MAST4: variants seen among roughly 807,000 people sequenced by gnomAD.
The protein encoded by MAST4 is microtubule associated serine/threonine kinase family member 4, also known as microtubule-associated serine/threonine-protein kinase 4.
A neutral mutation model predicts 162.7 loss-of-function variants in MAST4; 89 were observed. That is an observed-to-expected ratio of 0.55 (90% CI 0.46 to 0.65). The LOEUF is 0.65. MAST4 is among the 30% of genes least tolerant of loss of function. The probability of loss-of-function intolerance (pLI) is 0.00; values close to 1 mark genes in which losing one functional copy is unlikely to be tolerated. For missense variants in MAST4, 3,153 were observed against 3,374.0 expected (o/e 0.93, Z 1.62); for synonymous variants, 1,479 against 1,361.1 (o/e 1.09, Z -1.91).
chr5:66,725,197 C>T (rs1294946981), intron 1 of MAST4, among the ~76,000 whole-genome samples: 1 of 151,946 alleles, frequency 6.6e-6, no homozygotes, highest in East Asian at 1.9e-4. Flanking sequence ...AATTTTTCCT[C>T]AGAAAGTTTA....
intron 1 of MAST4, among the ~76,000 whole-genome samples, chr5:66,660,148 G>A (rs1746809255): frequency 6.6e-6 from 1 of 152,206 alleles, no homozygotes. Context: ...CAGCACTTTG[G>A]GTGGCTGAGG....
intron 3 of MAST4, among the ~76,000 whole-genome samples, chr5:66,810,539 G>A (rs1756425960): frequency 6.6e-6 from 1 of 152,164 alleles, no homozygotes; most frequent in Admixed American, 6.5e-5. Context: ...CCTACTGCAA[G>A]GAAGGCTGGG....
At position 67,130,437 on chromosome 5, in the gene MAST4, A is replaced by G. The variant is rs1284344938; in HGVS notation, c.1954+19A>G. On this transcript the variant is annotated intron_variant, in intron 15 of 28. Transcript: ENST00000403625. ...GTGGAAGGTATCTGACACGGAAAAC[A>G]TGACACCTGTACCCAGGAATCCCTT... is the stretch of plus-strand genomic sequence containing the variant. 10 of 1,611,682 alleles carry G rather than the reference A, an allele frequency of 6.2e-6. No homozygotes were observed. Among genetic ancestry groups the G allele is most frequent in the Middle Eastern group, 1.6e-4 (1 of 6,064 alleles).
At chr5:67,152,026 T>C (rs1470077122) in intron 24 of MAST4, among the ~76,000 whole-genome samples, 1 of 152,150 alleles carries the variant, frequency 6.6e-6, no homozygotes, top group Non-Finnish European at 1.5e-5. Context: ...CCTTGGCCTC[T>C]CAAAAGTGCT....
intron 5 of MAST4, among the ~76,000 whole-genome samples, chr5:67,079,708 C>A (rs1298372573): frequency 2.6e-5 from 4 of 152,034 alleles, no homozygotes; most frequent in Admixed American, 2.0e-4. Context: ...GGACTCTGTC[C>A]CTTCATTTTC....
intron 1 of MAST4, among the ~76,000 whole-genome samples, chr5:66,631,859 CAA>C: frequency 6.6e-6 from 1 of 152,020 alleles, no homozygotes; most frequent in East Asian, 1.9e-4. Flanking sequence ...GAAATTGAAC[CAA>C]AGAGAATTTA....
rs1404839307 is a variant in MAST4 at position 66,596,975 on chromosome 5, C to A, written c.320C>A (p.Ala107Glu). Residue 107 changes from alanine to glutamate, a missense_variant, in exon 1 of 29, where the codon GCG (alanine) becomes GAG (glutamate). This residue lies in a region of MAST4 where 327 missense variants were observed against 336.5 expected (regional missense o/e 0.97). Coordinates refer to ENST00000403625, the MANE Select transcript of MAST4 (RefSeq NM_001164664.2). ...CTTCCCGGAGGAGCTGTGCCGCCCG[C>A]GCCCCGGGGCAGCAGCGCGTCCCAG... ...PPLPGGAVPPAPRGSSASQEE... is the reference protein window; with the variant it reads ...PPLPGGAVPPEPRGSSASQEE... The A allele has an allele frequency of 6.9e-7, 1 of 1,448,790 alleles. No individual in the cohort carries two copies. The highest frequency in any genetic ancestry group is 9.0e-7 in the Non-Finnish European group (1 of 1,105,354). 89.7% of individuals were successfully genotyped at this position (1,448,790 alleles called of 1,614,324 possible). A position where few individuals can be genotyped will look rare whatever the true frequency, so the allele number is the denominator to read the frequency against.
chr5:67,166,423 C>T lies in MAST4; in HGVS notation c.7244C>T (p.Pro2415Leu). ...GCCGCGGGGGTGGGGAAGGGCTTCC[C>T]TGAGGCCAGAGGGAAAGGGCCCGGT... Reference protein sequence around the residue: ...RPAAGVGKGFPEARGKGPGPQ... With the variant: ...RPAAGVGKGFLEARGKGPGPQ... The change falls in exon 29 of 29, where the codon CCT (proline) becomes CTT (leucine). Residue 2415 changes from proline to leucine, a missense_variant. Pro to Leu is a moderately conservative substitution (Grantham distance 98). Around this residue, in one of 7 missense-constraint regions of MAST4, gnomAD observed 1,644 missense variants for 1,495.0 expected, o/e 1.10. Coordinates refer to ENST00000403625, the MANE Select transcript of MAST4 (RefSeq NM_001164664.2). 4 of 1,607,144 alleles carry T rather than the reference C, an allele frequency of 2.5e-6. No homozygotes were observed. Among genetic ancestry groups the T allele is most frequent in the South Asian group, 1.1e-5 (1 of 89,884 alleles).
At chr5:66,611,015 A>G (rs1382060324) in intron 1 of MAST4, among the ~76,000 whole-genome samples, 2 of 152,264 alleles carry the variant, frequency 1.3e-5, no homozygotes, top group South Asian at 4.1e-4. Flanking sequence ...GTCACTTCAG[A>G]AAATCCATCA....
intron 1 of MAST4, among the ~76,000 whole-genome samples, chr5:66,699,619 A>G (rs1749633094): frequency 6.6e-6 from 1 of 152,208 alleles, no homozygotes; most frequent in Admixed American, 6.5e-5. Context: ...AGAGTCATGG[A>G]TGAAGCTGGA....
intron 1 of MAST4, among the ~76,000 whole-genome samples, chr5:66,612,904 G>A (rs16895307): frequency 0.31 from 46,991 of 151,908 alleles, 7,822 homozygotes; most frequent in African/African-American, 0.43. Context: ...GACATGTTGC[G>A]TCTTACATAT....
chr5:67,013,557 T>C lies in MAST4; in HGVS notation c.675-40847T>C, dbSNP rs139486519. On this transcript the variant is annotated intron_variant, in intron 4 of 28. Coordinates refer to ENST00000403625, the MANE Select transcript of MAST4 (RefSeq NM_001164664.2). Reference sequence around the variant, plus strand: ...ACAGTGTATGTTTATGTCTCACGCTTTACTGGGTTTCTTCCTTAAGAGTCG... The same window carrying C: ...ACAGTGTATGTTTATGTCTCACGCTCTACTGGGTTTCTTCCTTAAGAGTCG... Among the ~76,000 whole-genome samples, 210 of 152,330 alleles carry C rather than the reference T, an allele frequency of 1.4e-3. 5 individuals are homozygous for C. The highest frequency in any genetic ancestry group is 4.9e-3 in the African/African-American group (204 of 41,574).
rs777825639 is a variant in MAST4 at position 66,847,820 on chromosome 5, C to CAAAAAAAAAA, written c.643-52117_643-52108dup. ...TGGGTGCTGGAACAAGACTCCTTCTCAAAAAAAAAAAAAAAAAAAAAAAGA... is the reference window on the plus strand; with the variant it reads ...TGGGTGCTGGAACAAGACTCCTTCTCAAAAAAAAAAAAAAAAAAAAAAAAAAAAAAAAAGA... On this transcript the variant is annotated intron_variant, in intron 3 of 28. Transcript: ENST00000403625. 2.8e-3 allele frequency among the ~76,000 whole-genome samples: 154 copies of CAAAAAAAAAA among 54,120 alleles called. 12 individuals are homozygous for CAAAAAAAAAA. Among genetic ancestry groups the CAAAAAAAAAA allele is most frequent in the African/African-American group, 0.011 (131 of 11,472 alleles). The allele number at this position is 54,120 out of a possible 152,430, so 35.5% of individuals were successfully genotyped here.
chr5:66,806,743 A>ATTTTCT (rs1425269268), intron 3 of MAST4, among the ~76,000 whole-genome samples: 2 of 152,104 alleles, frequency 1.3e-5, no homozygotes, highest in African/African-American at 4.8e-5. Flanking sequence ...TTAAGCATAC[A>ATTTTCT]TTTTCTTTTT....
intron 3 of MAST4, among the ~76,000 whole-genome samples, chr5:66,848,198 G>A (rs1356839566): frequency 6.6e-6 from 1 of 152,188 alleles, no homozygotes; most frequent in Non-Finnish European, 1.5e-5. Context: ...TAAATTTAGT[G>A]TATCCCCTTT....
At chr5:66,608,600 G>A (rs562467670) in intron 1 of MAST4, among the ~76,000 whole-genome samples, 3 of 151,792 alleles carry the variant, frequency 2.0e-5, no homozygotes, top group Non-Finnish European at 4.4e-5. Context: ...CAATCCCTGC[G>A]GAGGAGTTTG....
chr5:67,118,453 T>C (rs1325873922), intron 12 of MAST4, among the ~76,000 whole-genome samples: 3 of 152,216 alleles, frequency 2.0e-5, no homozygotes, highest in Non-Finnish European at 4.4e-5. Context: ...CTAAAGTTCC[T>C]ATGTCTAGGT....
intron 1 of MAST4, among the ~76,000 whole-genome samples, chr5:66,638,053 A>C (rs562554992): frequency 8.3e-4 from 127 of 152,208 alleles, no homozygotes; most frequent in African/African-American, 2.9e-3. Context: ...TTCTTAATTA[A>C]ATTTTTATTG....
intron 1 of MAST4, among the ~76,000 whole-genome samples, chr5:66,676,889 G>A (rs1239558463): frequency 6.6e-6 from 1 of 152,172 alleles, no homozygotes; most frequent in Non-Finnish European, 1.5e-5. Flanking sequence ...ATATAAACAA[G>A]TTGCAAAATA....
Sources: gnomAD v4.1 joint callset for allele counts (sites outside exome capture counted in the v4.1 genomes callset) on GRCh38, gnomAD v4.1.1 for gene constraint, gnomAD v4.1.1 regional missense constraint, MANE v1.5 for transcripts, NCBI Gene and HGNC (gene_info 2026-07-23, HGNC 2026-07-21) for gene names.